KAT2B: variants seen among roughly 807,000 people sequenced by gnomAD.
The protein encoded by KAT2B is histone acetyltransferase KAT2B.
In KAT2B, 36 loss-of-function variants were observed where a neutral mutation model predicts 105.9. That is an observed-to-expected ratio of 0.34 (90% CI 0.26 to 0.45). KAT2B has a LOEUF of 0.45. Among genes scored for constraint, KAT2B ranks in the 20% least tolerant of loss-of-function variants. KAT2B has a pLI of 1.00. For missense variants in KAT2B, 820 were observed against 1,021.6 expected (o/e 0.80, Z 2.69); for synonymous variants, 397 against 377.9 (o/e 1.05, Z -0.59).
At chr3:20,133,820 C>T (rs957787881) in intron 11 of KAT2B, among the ~76,000 whole-genome samples, 8 of 152,260 alleles carry the variant, frequency 5.3e-5, no homozygotes, top group South Asian at 2.1e-4. Flanking sequence ...CGTATTTGCA[C>T]GCCGTCAAGT....
chr3:20,118,757 C>T (rs1217628011), intron 7 of KAT2B, among the ~76,000 whole-genome samples: 26 of 135,970 alleles, frequency 1.9e-4, no homozygotes, highest in Non-Finnish European at 3.4e-4. Context: ...AGAGAGAGAG[C>T]GAACTATATA....
At chr3:20,054,851 C>A (rs998278266) in intron 1 of KAT2B, among the ~76,000 whole-genome samples, 1 of 152,222 alleles carries the variant, frequency 6.6e-6, no homozygotes, top group Non-Finnish European at 1.5e-5. Flanking sequence ...ACTCATCCCA[C>A]CTCGAAAGGA....
At chr3:20,097,294 C>A (rs1277137612) in intron 3 of KAT2B, among the ~76,000 whole-genome samples, 1 of 152,138 alleles carries the variant, frequency 6.6e-6, no homozygotes, top group Non-Finnish European at 1.5e-5. Context: ...TATAACCAAC[C>A]AAACAAGCCA....
At chr3:20,066,877 A>G (rs185477712) in intron 1 of KAT2B, among the ~76,000 whole-genome samples, 1 of 152,218 alleles carries the variant, frequency 6.6e-6, no homozygotes, top group Non-Finnish European at 1.5e-5. Context: ...ATATTTTAAC[A>G]TTTTTTAATA....
Position 20,152,423 on chromosome 3 carries a change from C to G in KAT2B, c.2397C>G (p.Cys799Trp), listed in dbSNP as rs1428278679. ...MADLQRVFTN[C>W]KEYNPPESEY... The stretch of plus-strand genomic sequence containing the variant: ...ACTTACAGCGAGTCTTTACCAATTG[C>G]AAAGAGTACAACCCCCCTGAGAGTG... The change falls in exon 18 of 18, where the codon TGC (cysteine) becomes TGG (tryptophan). Residue 799 changes from cysteine to tryptophan, a missense_variant. By Grantham distance (215) the Cys-to-Trp change is radical. Transcript: ENST00000263754. 1.2e-6 allele frequency: 2 copies of G among 1,612,292 alleles called. No individual in the cohort carries two copies. The highest frequency in any genetic ancestry group is 1.7e-6 in the Non-Finnish European group (2 of 1,178,592).
intron 1 of KAT2B, among the ~76,000 whole-genome samples, chr3:20,057,754 C>T (rs1698025776): frequency 6.6e-6 from 1 of 152,148 alleles, no homozygotes; most frequent in African/African-American, 2.4e-5. Context: ...GGAGAGGTCA[C>T]TCGGATGTAA....
chr3:20,143,178 G>A (rs1334304864), intron 13 of KAT2B, among the ~76,000 whole-genome samples: 2 of 152,166 alleles, frequency 1.3e-5, no homozygotes, highest in Non-Finnish European at 2.9e-5. Context: ...GTGGACTTCA[G>A]GAGAAGAAGA....
intron 1 of KAT2B, among the ~76,000 whole-genome samples, chr3:20,051,995 A>G (rs1180268156): frequency 6.6e-6 from 1 of 152,242 alleles, no homozygotes; most frequent in Non-Finnish European, 1.5e-5. Context: ...AAGATAATTT[A>G]TCACCTAGTT....
intron 5 of KAT2B, among the ~76,000 whole-genome samples, chr3:20,102,025 A>AT (rs901617051): frequency 1.3e-5 from 2 of 151,986 alleles, no homozygotes; most frequent in East Asian, 1.9e-4. Context: ...AAGTTAAAGA[A>AT]TTTTTTTTAG....
chr3:20,060,251 A>G (rs1249715670), intron 1 of KAT2B, among the ~76,000 whole-genome samples: 1 of 152,138 alleles, frequency 6.6e-6, no homozygotes, highest in Non-Finnish European at 1.5e-5. Flanking sequence ...TACTTAGTGG[A>G]TTTGCTGGGT....
At chr3:20,056,167 T>C in intron 1 of KAT2B, among the ~76,000 whole-genome samples, 1 of 152,130 alleles carries the variant, frequency 6.6e-6, no homozygotes, top group East Asian at 1.9e-4. Flanking sequence ...GAAGTTATTA[T>C]AGTCTAGGTA....
intron 2 of KAT2B, among the ~76,000 whole-genome samples, chr3:20,093,196 G>T (rs1213674459): frequency 6.6e-6 from 1 of 152,176 alleles, no homozygotes; most frequent in Non-Finnish European, 1.5e-5. Flanking sequence ...TTGAGAGTAG[G>T]AGAGTTAAAA....
intron 11 of KAT2B, among the ~76,000 whole-genome samples, chr3:20,134,540 C>T (rs1028123381): frequency 6.6e-6 from 1 of 152,198 alleles, no homozygotes; most frequent in African/African-American, 2.4e-5. Context: ...TCCCGAGTAG[C>T]TGGGATTACA....
At chr3:20,059,424 A>G (rs926999263) in intron 1 of KAT2B, among the ~76,000 whole-genome samples, 25 of 149,214 alleles carry the variant, frequency 1.7e-4, no homozygotes, top group Admixed American at 2.7e-4. Flanking sequence ...AAAAAAAAAA[A>G]AAAAAAAAAA....
At chr3:20,104,568 C>G (rs1446990304) in intron 5 of KAT2B, among the ~76,000 whole-genome samples, 1 of 152,176 alleles carries the variant, frequency 6.6e-6, no homozygotes. Flanking sequence ...CTGCAGGCAC[C>G]AGCAGGCTTT....
At chr3:20,115,194 A>G (rs1470158715) in intron 7 of KAT2B, among the ~76,000 whole-genome samples, 1 of 152,244 alleles carries the variant, frequency 6.6e-6, no homozygotes, top group Non-Finnish European at 1.5e-5. Context: ...CTCTTAATCT[A>G]TGATGTCTGT....
At chr3:20,095,537 A>G in intron 3 of KAT2B, 129 bp downstream of exon 3, 1 of 595,530 alleles carries the variant, frequency 1.7e-6, no homozygotes, top group Non-Finnish European at 2.9e-6. Context: ...GCTGAACAAT[A>G]CGTTTCTTCA....
intron 11 of KAT2B, among the ~76,000 whole-genome samples, chr3:20,130,914 G>A (rs1296366469): frequency 2.6e-5 from 4 of 151,084 alleles, no homozygotes; most frequent in Admixed American, 2.6e-4. Flanking sequence ...GTGTGTGTGT[G>A]TGCATGCGTG....
intron 5 of KAT2B, among the ~76,000 whole-genome samples, chr3:20,107,979 TTA>T (rs1033241211): frequency 6.6e-6 from 1 of 151,752 alleles, no homozygotes; most frequent in African/African-American, 2.4e-5. Context: ...TGGCTAATGT[TTA>T]TATTTTTTAG....
Sources: gnomAD v4.1 joint callset for allele counts (sites outside exome capture counted in the v4.1 genomes callset) on GRCh38, gnomAD v4.1.1 for gene constraint, MANE v1.5 for transcripts, NCBI Gene and HGNC (gene_info 2026-07-23, HGNC 2026-07-21) for gene names.